The following CFAP43 variants were observed in gnomAD, a reference collection of about 807,000 sequenced individuals.
CFAP43 encodes cilia and flagella associated protein 43.
Under a neutral mutation model 218.9 loss-of-function variants are expected in CFAP43, and 155 were observed. The observed-to-expected ratio is 0.71, with a 90% CI of 0.62 to 0.81. CFAP43 has a LOEUF of 0.81. Ranked by LOEUF, CFAP43 falls within the 30% of genes least tolerant of loss-of-function variation. The pLI is 0.00. For synonymous variants in CFAP43, 645 were observed against 681.3 expected, an observed-to-expected ratio of 0.95 and a Z score of 0.83; for missense variants, 1,778 against 1,954.3, an observed-to-expected ratio of 0.91 and a Z score of 1.70.
chr10:104,182,783 C>T (rs2089897202), intron 16 of CFAP43, among the ~76,000 whole-genome samples: 1 of 152,042 alleles, frequency 6.6e-6, no homozygotes, highest in African/African-American at 2.4e-5. Flanking sequence ...GTAATCACAG[C>T]TTACTGCAGC....
In CFAP43 at chr10:104,132,205, T is replaced by G; in HGVS notation, c.4597-9A>C. The G allele has an allele frequency of 6.4e-7, 1 of 1,564,218 alleles. No individual in the cohort carries two copies. Among genetic ancestry groups the G allele is most frequent in the Non-Finnish European group, 8.7e-7 (1 of 1,152,688 alleles). On this transcript the variant is annotated splice_polypyrimidine_tract_variant and intron_variant, in intron 35 of 37. Coordinates refer to ENST00000357060, the MANE Select transcript of CFAP43 (RefSeq NM_025145.7). ...TTTGGTTCATTTAGGTACTTTGAGA[T>G]TAAAAAAAAACATGTAAGGATATTT... is the stretch of plus-strand genomic sequence containing the variant.
chr10:104,226,191 C>T (rs1010574324), intron 2 of CFAP43, among the ~76,000 whole-genome samples: 1 of 152,206 alleles, frequency 6.6e-6, no homozygotes, highest in Admixed American at 6.5e-5. Context: ...TCTTCATCTG[C>T]TGTTCTTCAG....
chr10:104,146,443 G>T, intron 29 of CFAP43, 94 bp from the exon 30 acceptor site: 1 of 895,180 alleles, frequency 1.1e-6, no homozygotes, highest in Non-Finnish European at 1.8e-6. Flanking sequence ...GAATTTCCTA[G>T]TACAAGAGAA....
intron 5 of CFAP43, among the ~76,000 whole-genome samples, chr10:104,209,768 T>C (rs2090797132): frequency 6.6e-6 from 1 of 152,160 alleles, no homozygotes; most frequent in Non-Finnish European, 1.5e-5. Context: ...GCTGATCTCT[T>C]TGTTCTTCCT....
chr10:104,230,994 G>T, intron 1 of CFAP43, 151 bp from the exon 2 acceptor site: 2 of 861,166 alleles, frequency 2.3e-6, no homozygotes, highest in Non-Finnish European at 1.7e-6. Flanking sequence ...ACACATGCTG[G>T]CTGTGAGATC....
At chr10:104,218,890 C>G (rs1242178259) in intron 3 of CFAP43, 2 of 497,626 alleles carry the variant, frequency 4.0e-6, no homozygotes, top group South Asian at 3.0e-5. Context: ...AGCAGCATGA[C>G]AGCGGGAGAC....
At position 104,225,448 on chromosome 10, in the gene CFAP43, T is replaced by C. The variant is rs1564818929; in HGVS notation, c.416+13A>G. The C allele has an allele frequency of 5.0e-6, 8 of 1,590,816 alleles. No individual in the cohort carries two copies. The highest frequency in any genetic ancestry group is 4.5e-5 in the South Asian group (4 of 89,508). ...ACCCAGTAAAAGGAATTCCACAGGA[T>C]GCTGAAACTTACCAAAGGGCCAGTT... On this transcript the variant is annotated intron_variant, in intron 3 of 37. Transcript: ENST00000357060.
At chr10:104,158,690 T>C (rs2088709289) in intron 27 of CFAP43, among the ~76,000 whole-genome samples, 1 of 152,182 alleles carries the variant, frequency 6.6e-6, no homozygotes, top group South Asian at 2.1e-4. Flanking sequence ...GTAATCTGAA[T>C]ATAGACTTAA....
intron 27 of CFAP43, among the ~76,000 whole-genome samples, chr10:104,154,396 A>C (rs2088432388): frequency 6.6e-6 from 1 of 152,240 alleles, no homozygotes; most frequent in Non-Finnish European, 1.5e-5. Context: ...ATGCCAGGAC[A>C]AAGACCATCC....
chr10:104,217,148 C>T (rs1271194390), intron 3 of CFAP43, among the ~76,000 whole-genome samples: 1 of 152,186 alleles, frequency 6.6e-6, no homozygotes, highest in Admixed American at 6.5e-5. Context: ...TCCATTTCTC[C>T]CTCTGAGTAA....
chr10:104,179,611 A>G (rs374870693), intron 18 of CFAP43, among the ~76,000 whole-genome samples: 1 of 152,192 alleles, frequency 6.6e-6, no homozygotes, highest in South Asian at 2.1e-4. Context: ...GTTGGGTTGC[A>G]TGTCAGCCTA....
At chr10:104,183,670 T>G (rs2134882381) in intron 16 of CFAP43, among the ~76,000 whole-genome samples, 1 of 152,332 alleles carries the variant, frequency 6.6e-6, no homozygotes, top group East Asian at 1.9e-4. Flanking sequence ...ATTACAGGCG[T>G]GAGCCACTGC....
intron 8 of CFAP43, among the ~76,000 whole-genome samples, chr10:104,198,380 T>A (rs1315714400): frequency 6.6e-6 from 1 of 152,066 alleles, no homozygotes; most frequent in African/African-American, 2.4e-5. Context: ...CCTCCCAGGT[T>A]CAAGCATTCT....
In CFAP43 at chr10:104,143,454, C is replaced by T; in HGVS notation, c.4130G>A (p.Arg1377Lys). ...PLVWNHFCMT[R>K]RAKVENEQKV... Reference sequence around the variant, plus strand: ...CTGTTCATTTTCCACTTTTGCTCGTCTTGTCATGCAGAAATGATTCCAGAC... The same window carrying T: ...CTGTTCATTTTCCACTTTTGCTCGTTTTGTCATGCAGAAATGATTCCAGAC... The change falls in exon 32 of 38, where the codon AGA becomes AAA. Residue 1377 changes from arginine to lysine, a missense_variant. By Grantham distance (26) the Arg-to-Lys change is conservative. This residue lies in a region of CFAP43 where 1,553 missense variants were observed against 1,685.2 expected (regional missense o/e 0.92). Transcript: ENST00000357060. 1 of 1,614,118 alleles carries T rather than the reference C, an allele frequency of 6.2e-7. No homozygotes were observed. Among genetic ancestry groups the T allele is most frequent in the Non-Finnish European group, 8.5e-7 (1 of 1,180,034 alleles).
At chr10:104,231,471 A>G (rs368627017) in intron 1 of CFAP43, among the ~76,000 whole-genome samples, 2 of 152,212 alleles carry the variant, frequency 1.3e-5, no homozygotes, top group East Asian at 3.9e-4. Context: ...TGTATGCTAG[A>G]AAGGAGAGGA....
chr10:104,153,581 A>G (rs1177322045), intron 27 of CFAP43, among the ~76,000 whole-genome samples: 1 of 152,214 alleles, frequency 6.6e-6, no homozygotes, highest in Non-Finnish European at 1.5e-5. Context: ...CAAAGTAAAA[A>G]ACATGTAAAA....
At chr10:104,186,460 A>G (rs146558811) in intron 14 of CFAP43, among the ~76,000 whole-genome samples, 8 of 152,284 alleles carry the variant, frequency 5.3e-5, no homozygotes, top group African/African-American at 1.9e-4. Context: ...AATGTAGTCA[A>G]TATTCCCCGT....
At position 104,146,198 on chromosome 10, in the gene CFAP43, C is replaced by A. The variant is rs961672048; in HGVS notation, c.3855+65G>T. On this transcript the variant is annotated intron_variant, in intron 30 of 37. Transcript: ENST00000357060. ...AAAATTATATTATATCCCCTTTAAC[C>A]TTCCTCCAATCCAGGCAGCAACAAC... is the stretch of plus-strand genomic sequence containing the variant. 1.2e-5 allele frequency: 16 copies of A among 1,344,672 alleles called. No homozygotes were observed. The African/African-American group carries it at 2.3e-4, about 19-fold the overall frequency. 83.3% of individuals were successfully genotyped at this position (1,344,672 alleles called of 1,614,324 possible). A position where few individuals can be genotyped will look rare whatever the true frequency, so the allele number is the denominator to read the frequency against.
chr10:104,144,486 TA>T (rs1159191733), intron 31 of CFAP43, among the ~76,000 whole-genome samples: 1 of 152,136 alleles, frequency 6.6e-6, no homozygotes, highest in African/African-American at 2.4e-5. Flanking sequence ...CCGTCTCTAC[TA>T]AAAATACAAA....
Sources: allele counts gnomAD v4.1 joint callset (sites outside exome capture counted in the v4.1 genomes callset), GRCh38; gene constraint gnomAD v4.1.1; regional missense constraint gnomAD v4.1.1; transcripts MANE v1.5; gene names NCBI Gene and HGNC (gene_info 2026-07-23, HGNC 2026-07-21).